Variants in SOX5 observed in about 807,000 individuals in gnomAD.
SOX5 encodes the protein SRY-box transcription factor 5.
In SOX5, 9 loss-of-function variants were observed where a neutral mutation model predicts 92.0. That is an observed-to-expected ratio of 0.10 (90% confidence interval 0.06 to 0.17). SOX5 has a LOEUF of 0.17. Among genes scored for constraint, SOX5 ranks in the 10% least tolerant of loss-of-function variants. The pLI is 1.00. For missense variants in SOX5, 642 were observed against 944.5 expected, an observed-to-expected ratio of 0.68 and a Z score of 4.20; for synonymous variants, 344 against 336.3, an observed-to-expected ratio of 1.02 and a Z score of -0.25.
chr12:24,188,066 A>G (rs543700378), intron 4 of SOX5, among the ~76,000 whole-genome samples: 1 of 152,316 alleles, frequency 6.6e-6, no homozygotes, highest in African/African-American at 2.4e-5. Context: ...GTGCAACTCA[A>G]TGGGAAGTTT....
At chr12:23,609,208 T>C (rs188734771) in intron 8 of SOX5, among the ~76,000 whole-genome samples, 15 of 152,300 alleles carry the variant, frequency 9.8e-5, no homozygotes, top group South Asian at 4.1e-4. Flanking sequence ...AATGCATACA[T>C]AGCCATGTTA....
chr12:24,031,850 A>G lies in SOX5; in HGVS notation c.-1-135826T>C, dbSNP rs377193017. Reference sequence around the variant, plus strand: ...AACTAAGGCAGGAGTGACATTATAAAGTTCTATGGTCCCAAATGCAATTTT... The same window carrying G: ...AACTAAGGCAGGAGTGACATTATAAGGTTCTATGGTCCCAAATGCAATTTT... On this transcript the variant is annotated intron_variant, in intron 4 of 4. Transcript: ENST00000446891. 2.6e-5 allele frequency among the ~76,000 whole-genome samples: 4 copies of G among 151,992 alleles called. No individual in the cohort carries two copies. In the South Asian group the frequency reaches 8.3e-4, roughly 31 times the overall value.
At chr12:24,448,563 A>G (rs560350889) in intron 1 of SOX5, among the ~76,000 whole-genome samples, 10 of 152,282 alleles carry the variant, frequency 6.6e-5, no homozygotes, top group Non-Finnish European at 1.3e-4. Context: ...ACTAAAATTT[A>G]ATGCTTTCCT....
intron 2 of SOX5, among the ~76,000 whole-genome samples, chr12:23,850,473 TAAAAA>T (rs143417316): frequency 6.9e-6 from 1 of 144,942 alleles, no homozygotes; most frequent in African/African-American, 2.5e-5. Context: ...AAATAAAAAA[TAAAAA>T]AAAAATCACC....
chr12:24,355,282 C>CTTTGTT (rs1954672424), intron 2 of SOX5, among the ~76,000 whole-genome samples: 1 of 71,920 alleles, frequency 1.4e-5, no homozygotes, highest in South Asian at 7.2e-4. Context: ...AGGGGTGCAT[C>CTTTGTT]TTTTTTTTTT....
At chr12:23,715,679 C>T (rs1003468124) in intron 6 of SOX5, among the ~76,000 whole-genome samples, 6 of 151,976 alleles carry the variant, frequency 3.9e-5, no homozygotes, top group African/African-American at 1.2e-4. Flanking sequence ...CCAGTTGTGG[C>T]GAAGCAATCA....
rs546033432 is a variant in SOX5 at position 23,946,517 on chromosome 12, A to G, written c.38+3047T>C. ...ACTAATATTGACATTTAAGGCAAATATTTTCTTTTCATCCTTGAAATATCA... is the reference window on the plus strand; with the variant it reads ...ACTAATATTGACATTTAAGGCAAATGTTTTCTTTTCATCCTTGAAATATCA... On this transcript the variant is annotated intron_variant, in intron 1 of 14. Coordinates refer to ENST00000451604, the MANE Select transcript of SOX5 (RefSeq NM_006940.6). Among the ~76,000 whole-genome samples the G allele has an allele frequency of 2.7e-4, 41 of 152,142 alleles. No individual in the cohort carries two copies. In the Middle Eastern group the frequency reaches 0.01, roughly 38 times the overall value.
intron 6 of SOX5, among the ~76,000 whole-genome samples, chr12:23,728,843 G>C (rs1489908473): frequency 6.6e-6 from 1 of 152,052 alleles, no homozygotes; most frequent in Non-Finnish European, 1.5e-5. Context: ...TTGAGCCATT[G>C]TTCCACAAGA....
intron 2 of SOX5, among the ~76,000 whole-genome samples, chr12:24,367,313 T>G (rs1200177772): frequency 1.3e-5 from 2 of 152,178 alleles, no homozygotes; most frequent in African/African-American, 2.4e-5. Flanking sequence ...CAGCAGTAAT[T>G]CAAAGAAATG....
intron 3 of SOX5, among the ~76,000 whole-genome samples, chr12:23,828,220 G>A (rs2135527868): frequency 6.6e-6 from 1 of 152,244 alleles, no homozygotes; most frequent in East Asian, 1.9e-4. Context: ...ACACCATCTA[G>A]TTATGTGTAA....
intron 4 of SOX5, among the ~76,000 whole-genome samples, chr12:23,970,826 T>TTATATATATATA (rs1279338430): frequency 3.9e-5 from 1 of 25,782 alleles, no homozygotes; most frequent in African/African-American, 1.2e-4. Context: ...ACATGGGACT[T>TTATATATATATA]TATATATATA....
chr12:23,771,361 G>A (rs1162710457), intron 3 of SOX5, among the ~76,000 whole-genome samples: 1 of 152,154 alleles, frequency 6.6e-6, no homozygotes, highest in Non-Finnish European at 1.5e-5. Context: ...TACTGTCACT[G>A]AGCCAGTCCC....
chr12:23,933,625 G>A (rs1941921957), intron 1 of SOX5, among the ~76,000 whole-genome samples: 1 of 151,546 alleles, frequency 6.6e-6, no homozygotes. Context: ...TGCAGAAATG[G>A]CAATGGATCA....
At chr12:23,604,569 CT>C (rs759321637) in intron 8 of SOX5, 36 bp from the exon 9 acceptor site, 12 of 1,593,980 alleles carry the variant, frequency 7.5e-6, no homozygotes, top group Non-Finnish European at 1.0e-5. Flanking sequence ...AGAAAGAATA[CT>C]GTGAATAATA....
chr12:24,513,603 C>T (rs546199355), intron 1 of SOX5, among the ~76,000 whole-genome samples: 20 of 152,250 alleles, frequency 1.3e-4, no homozygotes, highest in Non-Finnish European at 2.6e-4. Context: ...CGGGGAACAT[C>T]GCAAGAATAC....
At chr12:24,324,460 C>CTCTATATA (rs550820624) in intron 2 of SOX5, among the ~76,000 whole-genome samples, 2 of 151,958 alleles carry the variant, frequency 1.3e-5, no homozygotes, top group Non-Finnish European at 2.9e-5. Context: ...ACGTGGGCAA[C>CTCTATATA]TCTATATATA....
intron 4 of SOX5, among the ~76,000 whole-genome samples, chr12:24,112,796 T>C (rs760934057): frequency 5.3e-5 from 8 of 151,880 alleles, no homozygotes; most frequent in South Asian, 4.2e-4. Flanking sequence ...CACCTTGGCC[T>C]CCCAAAGTGC....
intron 1 of SOX5, among the ~76,000 whole-genome samples, chr12:24,440,304 T>C (rs533649444): frequency 5.3e-5 from 8 of 152,338 alleles, no homozygotes; most frequent in African/African-American, 1.4e-4. Flanking sequence ...AGTCTCTTTC[T>C]GCTGAGGTTA....
chr12:23,592,281 CT>C (rs2137153410), intron 9 of SOX5, among the ~76,000 whole-genome samples: 1 of 152,176 alleles, frequency 6.6e-6, no homozygotes, highest in South Asian at 2.1e-4. Context: ...AAGGAAAATT[CT>C]TTTAATTTTC....
Sources: gnomAD v4.1 joint callset for allele counts (sites outside exome capture counted in the v4.1 genomes callset) on GRCh38, gnomAD v4.1.1 for gene constraint, MANE v1.5 for transcripts, NCBI Gene and HGNC (gene_info 2026-07-23, HGNC 2026-07-21) for gene names.